The following ZNF664 variants were observed in gnomAD, a reference collection of about 807,000 sequenced individuals.
ZNF664 encodes zinc finger protein 664.
In ZNF664, 10 loss-of-function variants were observed where a neutral mutation model predicts 18.2. That is an observed-to-expected ratio of 0.55 (90% CI 0.34 to 0.93). The LOEUF is 0.93. ZNF664 is among the 40% of genes least tolerant of loss of function. ZNF664 has a pLI of 0.02. For synonymous variants in ZNF664, 119 were observed against 104.2 expected (o/e 1.14, Z -0.86); for missense variants, 193 against 319.0 (o/e 0.61, Z 3.01).
rs551554199 is a variant in ZNF664 at position 123,976,548 on chromosome 12, G to A, written c.-757+2528G>A. On this transcript the variant is annotated intron_variant, in intron 2 of 4. Coordinates refer to ENST00000337815, the MANE Select transcript of ZNF664 (RefSeq NM_152437.3). ...GTTGTATTTTATCCCGAGTGAAATG[G>A]GAAACCATGATATGGGTTGGGATTT... Among the ~76,000 whole-genome samples, 9 of 152,312 alleles carry A rather than the reference G, an allele frequency of 5.9e-5. No individual in the cohort carries two copies. The East Asian group carries it at 1.7e-3, about 29-fold the overall frequency.
intron 3 of ZNF664, among the ~76,000 whole-genome samples, chr12:123,989,871 A>G (rs538785557): frequency 6.6e-6 from 1 of 152,244 alleles, no homozygotes; most frequent in Non-Finnish European, 1.5e-5. Context: ...CTGTCCATCC[A>G]TGCAGATACT....
chr12:123,977,803 TATTC>T (rs1956713765), intron 2 of ZNF664, among the ~76,000 whole-genome samples: 1 of 152,236 alleles, frequency 6.6e-6, no homozygotes, highest in Non-Finnish European at 1.5e-5. Context: ...CAATGGAACT[TATTC>T]AGCACCCCAG....
At chr12:124,010,036 C>T (rs945331853) in intron 3 of ZNF664, among the ~76,000 whole-genome samples, 1 of 152,152 alleles carries the variant, frequency 6.6e-6, no homozygotes, top group African/African-American at 2.4e-5. Flanking sequence ...TGCAGTTTTG[C>T]TGCCAAATAC....
rs1253575669 is a variant in ZNF664 at position 124,015,158 on chromosome 12, C to T, written c.*2228C>T. ...GCTTTATTACTATTAGGTATGTGAGCTTGGGCAAATCGCTTAATCTTTGAG... is the reference window on the plus strand; with the variant it reads ...GCTTTATTACTATTAGGTATGTGAGTTTGGGCAAATCGCTTAATCTTTGAG... On this transcript the variant is annotated 3_prime_UTR_variant, in exon 5 of 5. Coordinates refer to ENST00000337815, the MANE Select transcript of ZNF664 (RefSeq NM_152437.3). 6.0e-6 allele frequency: 1 copy of T among 167,062 alleles called. No homozygotes were observed. Among genetic ancestry groups the T allele is most frequent in the Non-Finnish European group, 1.5e-5 (1 of 68,118 alleles). The allele number at this position is 167,062 out of a possible 1,614,324, so 10.3% of individuals were successfully genotyped here. A position where few individuals can be genotyped will look rare whatever the true frequency, so the allele number is the denominator to read the frequency against.
Position 123,973,363 on chromosome 12 carries a change from G to A in ZNF664, c.-892+11G>A, listed in dbSNP as rs955342741. On this transcript the variant is annotated intron_variant, in intron 1 of 4. Transcript: ENST00000337815. ...CTCCCCTCACTTGGAGTGAGTTCTC[G>A]GCGGCCGGGCTGCAGTCTTTCTTTC... 4 of 963,648 alleles carry A rather than the reference G, an allele frequency of 4.2e-6. No individual in the cohort carries two copies. The African/African-American group carries it at 7.5e-5, about 18-fold the overall frequency. 59.7% of individuals were successfully genotyped at this position (963,648 alleles called of 1,614,324 possible).
chr12:124,001,453 G>A (rs762433497), intron 3 of ZNF664, among the ~76,000 whole-genome samples: 21 of 152,184 alleles, frequency 1.4e-4, no homozygotes, highest in Non-Finnish European at 2.8e-4. Flanking sequence ...GGCACTGAGC[G>A]TCTCCAGCCC....
intron 3 of ZNF664, among the ~76,000 whole-genome samples, chr12:124,009,421 A>G (rs1423008160): frequency 6.6e-6 from 1 of 152,098 alleles, no homozygotes. Context: ...TCTTAACTGT[A>G]TTCTCCCCCA....
chr12:123,973,999 C>T lies in ZNF664; in HGVS notation c.-778C>T. ...GGACGCCTCCATTGTTTGACCACAA[C>T]AAGGGCCGGATTCTCACCCAGGTAA... On this transcript the variant is annotated 5_prime_UTR_variant, in exon 2 of 5. Coordinates refer to ENST00000337815, the MANE Select transcript of ZNF664 (RefSeq NM_152437.3). 8.1e-7 allele frequency: 1 copy of T among 1,231,998 alleles called. No homozygotes were observed. Among genetic ancestry groups the T allele is most frequent in the Non-Finnish European group, 1.0e-6 (1 of 988,152 alleles). The allele number at this position is 1,231,998 out of a possible 1,614,324, so 76.3% of individuals were successfully genotyped here. A position where few individuals can be genotyped will look rare whatever the true frequency, so the allele number is the denominator to read the frequency against.
chr12:123,973,353 G>A lies in ZNF664; in HGVS notation c.-892+1G>A, dbSNP rs1029490979. 3.0e-6 allele frequency: 3 copies of A among 984,444 alleles called. No individual in the cohort carries two copies. The highest frequency in any genetic ancestry group is 1.8e-5 in the African/African-American group (1 of 57,066). 61.0% of individuals were successfully genotyped at this position (984,444 alleles called of 1,614,324 possible). ...GGGGCGCTGACTCCCCTCACTTGGA[G>A]TGAGTTCTCGGCGGCCGGGCTGCAG... is the stretch of plus-strand genomic sequence containing the variant. On this transcript the variant is annotated splice_donor_variant, in intron 1 of 4. Transcript: ENST00000337815. LOFTEE classifies it low-confidence loss of function (5UTR_SPLICE).
intron 3 of ZNF664, among the ~76,000 whole-genome samples, chr12:123,994,626 A>G (rs926168589): frequency 1.3e-5 from 2 of 152,232 alleles, no homozygotes; most frequent in Admixed American, 6.5e-5. Context: ...ATGTAGTTGG[A>G]AAAGGGATTT....
chr12:123,974,082 C>G (rs1956646003), intron 2 of ZNF664, 62 bp downstream of exon 2: 12 of 1,129,530 alleles, frequency 1.1e-5, no homozygotes, highest in Non-Finnish European at 1.3e-5. Context: ...GCGTTCTCAC[C>G]CCTTCCAGGA....
At chr12:123,989,989 C>G (rs1956871040) in intron 3 of ZNF664, among the ~76,000 whole-genome samples, 1 of 152,224 alleles carries the variant, frequency 6.6e-6, no homozygotes, top group Admixed American at 6.5e-5. Context: ...AAATCTCTCT[C>G]CCTTGCTTGC....
chr12:123,998,101 C>T (rs1349286301), intron 3 of ZNF664, among the ~76,000 whole-genome samples: 1 of 152,154 alleles, frequency 6.6e-6, no homozygotes, highest in Non-Finnish European at 1.5e-5. Context: ...CCTAGAAGTG[C>T]AGGGTGTATC....
intron 3 of ZNF664, among the ~76,000 whole-genome samples, chr12:124,001,641 C>T (rs1482688553): frequency 2.6e-5 from 4 of 152,236 alleles, no homozygotes; most frequent in South Asian, 4.1e-4. Context: ...AGGTCAGCCT[C>T]ACTTCCAGCC....
intron 3 of ZNF664, among the ~76,000 whole-genome samples, chr12:124,003,880 G>A (rs751208056): frequency 9.2e-5 from 14 of 152,248 alleles, no homozygotes; most frequent in Non-Finnish European, 1.5e-4. Context: ...GCCCATTTGA[G>A]ATGTGTGGTC....
At chr12:124,005,285 T>C (rs1029047517) in intron 3 of ZNF664, among the ~76,000 whole-genome samples, 3 of 152,264 alleles carry the variant, frequency 2.0e-5, no homozygotes, top group Non-Finnish European at 2.9e-5. Flanking sequence ...TCTCTACTTT[T>C]TTGTTCACAC....
intron 3 of ZNF664, among the ~76,000 whole-genome samples, chr12:124,011,037 C>T (rs1040408094): frequency 6.6e-6 from 1 of 152,162 alleles, no homozygotes; most frequent in Admixed American, 6.5e-5. Flanking sequence ...ATTTTAAGTA[C>T]ATCAGGAAAT....
At chr12:124,002,478 G>C (rs1208629265) in intron 3 of ZNF664, among the ~76,000 whole-genome samples, 1 of 152,216 alleles carries the variant, frequency 6.6e-6, no homozygotes, top group Non-Finnish European at 1.5e-5. Flanking sequence ...GGAGGAGCAA[G>C]AATGAAAGCC....
At chr12:124,005,338 C>T (rs1182816474) in intron 3 of ZNF664, among the ~76,000 whole-genome samples, 1 of 152,166 alleles carries the variant, frequency 6.6e-6, no homozygotes, top group Non-Finnish European at 1.5e-5. Flanking sequence ...GTTGAATGAC[C>T]ACAGGTCACA....
Sources: gnomAD v4.1 joint callset for allele counts (sites outside exome capture counted in the v4.1 genomes callset) on GRCh38, gnomAD v4.1.1 for gene constraint, MANE v1.5 for transcripts, NCBI Gene and HGNC (gene_info 2026-07-23, HGNC 2026-07-21) for gene names.